DERA: variants seen among roughly 807,000 people sequenced by gnomAD.
DERA encodes the protein 2-deoxy-D-ribose 5-phosphate aldolase.
DERA carries 15 observed loss-of-function variants against 41.1 expected under a neutral mutation model. That is an observed-to-expected ratio of 0.37 (90% confidence interval 0.24 to 0.56). The LOEUF (loss-of-function observed/expected upper bound fraction) is 0.56, where lower values mean the gene tolerates loss of function less well. DERA is among the 20% of genes least tolerant of loss of function. The probability of loss-of-function intolerance (pLI) is 0.81; values close to 1 mark genes in which losing one functional copy is unlikely to be tolerated. For missense variants in DERA, 396 were observed against 403.4 expected (o/e 0.98, Z 0.16); for synonymous variants, 139 against 137.4 (o/e 1.01, Z -0.08).
At chr12:15,949,491 T>C (rs2136141766) in intron 1 of DERA, among the ~76,000 whole-genome samples, 1 of 151,726 alleles carries the variant, frequency 6.6e-6, no homozygotes, top group South Asian at 2.1e-4. Context: ...CGTGGGACCC[T>C]CTGAGCCGGG....
chr12:15,954,228 C>G lies in DERA; in HGVS notation c.32-2708C>G, dbSNP rs1050116572. ...CTGAAGCAGTGGAGAAAGACATTGC[C>G]CAGAATTAAATCCTTTCTGGTCTTT... is the stretch of plus-strand genomic sequence containing the variant. On this transcript the variant is annotated intron_variant, in intron 1 of 8. Transcript: ENST00000428559. The surrounding 1 kb of genome is among the most constrained non-coding windows in gnomAD (Gnocchi z 4.0). Among the ~76,000 whole-genome samples, 2 of 152,162 alleles carry G rather than the reference C, an allele frequency of 1.3e-5. No individual in the cohort carries two copies. The highest frequency in any genetic ancestry group is 2.9e-5 in the Non-Finnish European group (2 of 68,022).
rs1033575256 is a variant in DERA at position 16,026,572 on chromosome 12, C to T, written c.638-5970C>T. Among the ~76,000 whole-genome samples, 9 of 149,768 alleles carry T rather than the reference C, an allele frequency of 6.0e-5. No individual in the cohort carries two copies. Among genetic ancestry groups the T allele is most frequent in the African/African-American group, 2.2e-4 (9 of 41,102 alleles). On this transcript the variant is annotated intron_variant, in intron 6 of 8. Coordinates refer to ENST00000428559, the MANE Select transcript of DERA (RefSeq NM_015954.4). The surrounding 1 kb of genome is among the most constrained non-coding windows in gnomAD (Gnocchi z 4.4). ...TATAAAATATTTAATGTGACTTTTACATAAATTGTAAATATATTTACACAT... is the reference window on the plus strand; with the variant it reads ...TATAAAATATTTAATGTGACTTTTATATAAATTGTAAATATATTTACACAT...
At position 16,020,973 on chromosome 12, in the gene DERA, G is replaced by A. The variant is rs1028695201; in HGVS notation, c.638-11569G>A. Among the ~76,000 whole-genome samples, 1 of 152,216 alleles carries A rather than the reference G, an allele frequency of 6.6e-6. No individual in the cohort carries two copies. The highest frequency in any genetic ancestry group is 2.4e-5 in the African/African-American group (1 of 41,454). ...TGCTGGAGCAAAGGAATTACTTAAT[G>A]TGAGAACTTATATTTAAATGGGAAG... On this transcript the variant is annotated intron_variant, in intron 6 of 8. Coordinates refer to ENST00000428559, the MANE Select transcript of DERA (RefSeq NM_015954.4). This position sits in a 1 kb window ranked among gnomAD's most constrained non-coding sequence, Gnocchi z 5.5.
chr12:15,946,816 T>C (rs1312651803), intron 1 of DERA, among the ~76,000 whole-genome samples: 2 of 152,218 alleles, frequency 1.3e-5, no homozygotes, highest in African/African-American at 2.4e-5. Flanking sequence ...AATTGTGATG[T>C]TAGGGTGTCA....
intron 6 of DERA, 60 bp from the exon 7 acceptor site, chr12:16,032,482 C>G: frequency 3.1e-6 from 3 of 978,228 alleles, no homozygotes; most frequent in Non-Finnish European, 4.4e-6. Context: ...CTCCCACTGA[C>G]TCAAAAGTGT....
intron 5 of DERA, among the ~76,000 whole-genome samples, chr12:15,971,028 G>T (rs1268561017): frequency 1.3e-5 from 2 of 152,196 alleles, no homozygotes; most frequent in African/African-American, 4.8e-5. Context: ...CATGGGACAT[G>T]TACAGATTGA....
chr12:15,920,504 AAC>A (rs776030005), intron 1 of DERA, among the ~76,000 whole-genome samples: 4 of 152,190 alleles, frequency 2.6e-5, no homozygotes, highest in African/African-American at 7.2e-5. Flanking sequence ...CTTGTTAAAA[AAC>A]ACAGATTCCT....
rs1012175835 is a variant in DERA, at chr12:15,972,749, C to G, written c.509-9559C>G. The G allele has an allele frequency of 6.6e-6, 1 of 152,628 alleles. No individual in the cohort carries two copies. The highest frequency in any genetic ancestry group is 1.5e-5 in the Non-Finnish European group (1 of 68,290). The allele number at this position is 152,628 out of a possible 1,614,324, so 9.5% of individuals were successfully genotyped here. On this transcript the variant is annotated intron_variant, in intron 5 of 8. Coordinates refer to ENST00000428559, the MANE Select transcript of DERA (RefSeq NM_015954.4). This position sits in a 1 kb window ranked among gnomAD's most constrained non-coding sequence, Gnocchi z 4.4. ...CAGTACTGGGGACAGGGGAAAGTTG[C>G]TCACAACTCTCAGGAGAAGGGATCT...
chr12:16,002,668 T>C (rs1379853066), intron 6 of DERA, among the ~76,000 whole-genome samples: 1 of 151,976 alleles, frequency 6.6e-6, no homozygotes, highest in East Asian at 1.9e-4. Flanking sequence ...CTAATTAGAG[T>C]CCCATGCTGT....
At position 15,928,193 on chromosome 12, in the gene DERA, G is replaced by A. The variant is rs1168938445; in HGVS notation, c.31+16779G>A. On this transcript the variant is annotated intron_variant, in intron 1 of 8. Transcript: ENST00000428559. The surrounding 1 kb of genome is among the most constrained non-coding windows in gnomAD (Gnocchi z 4.6). ...TTTGAAACATACATGAGTATTAACT[G>A]TAGCTACCATGCTGTGCAGTAGATC... Among the ~76,000 whole-genome samples, 2 of 152,168 alleles carry A rather than the reference G, an allele frequency of 1.3e-5. No homozygotes were observed. The highest frequency in any genetic ancestry group is 6.5e-5 in the Admixed American group (1 of 15,280).
intron 6 of DERA, among the ~76,000 whole-genome samples, chr12:16,015,732 A>G (rs1313845094): frequency 6.6e-6 from 1 of 152,204 alleles, no homozygotes; most frequent in Non-Finnish European, 1.5e-5. Context: ...TGGATGTCAT[A>G]TTTGGCAGCT....
rs1334224964 is a variant in DERA at position 15,965,964 on chromosome 12, C to T, written c.508+3017C>T. Among the ~76,000 whole-genome samples the T allele has an allele frequency of 2.6e-5, 4 of 152,154 alleles. No individual in the cohort carries two copies. In the East Asian group the frequency reaches 7.7e-4, roughly 29 times the overall value. ...TCATCAGCCTTTCTGCCAGCTCATTCCCATTAAGCATTTAGACATACTCAA... is the reference window on the plus strand; with the variant it reads ...TCATCAGCCTTTCTGCCAGCTCATTTCCATTAAGCATTTAGACATACTCAA... On this transcript the variant is annotated intron_variant, in intron 5 of 8. Coordinates refer to ENST00000428559, the MANE Select transcript of DERA (RefSeq NM_015954.4). The surrounding 1 kb of genome is among the most constrained non-coding windows in gnomAD (Gnocchi z 4.1).
chr12:15,971,853 G>T, intron 5 of DERA: 1 of 298,210 alleles, frequency 3.4e-6, no homozygotes. Context: ...AGGAACCATT[G>T]CTAAAGTGAA....
At position 16,001,639 on chromosome 12, in the gene DERA, T is replaced by C. The variant is rs1191580707; in HGVS notation, c.637+19203T>C. Among the ~76,000 whole-genome samples the C allele has an allele frequency of 6.6e-6, 1 of 152,180 alleles. No individual in the cohort carries two copies. Among genetic ancestry groups the C allele is most frequent in the Non-Finnish European group, 1.5e-5 (1 of 68,022 alleles). Reference sequence around the variant, plus strand: ...TCTGCCTGAGTTTATATCCTTTAGATAGTAGTAACAGGCTTAGTAGAGTAG... The same window carrying C: ...TCTGCCTGAGTTTATATCCTTTAGACAGTAGTAACAGGCTTAGTAGAGTAG... On this transcript the variant is annotated intron_variant, in intron 6 of 8. Transcript: ENST00000428559. The surrounding 1 kb of genome is among the most constrained non-coding windows in gnomAD (Gnocchi z 4.1).
In DERA at chr12:15,936,890, C is replaced by T. The variant is rs542634360; in HGVS notation, c.32-20046C>T. ...CTTGTCTTGTCTTGTCTTGTCTTGTCCTGTCCTGTCCTGTCCTGTCCTGTC... is the reference window on the plus strand; with the variant it reads ...CTTGTCTTGTCTTGTCTTGTCTTGTTCTGTCCTGTCCTGTCCTGTCCTGTC... On this transcript the variant is annotated intron_variant, in intron 1 of 8. Transcript: ENST00000428559. This position sits in a 1 kb window ranked among gnomAD's most constrained non-coding sequence, Gnocchi z 4.6. Among the ~76,000 whole-genome samples, 2 of 136,408 alleles carry T rather than the reference C, an allele frequency of 1.5e-5. No homozygotes were observed. The highest frequency in any genetic ancestry group is 4.5e-4 in the South Asian group (2 of 4,404). 89.5% of individuals were successfully genotyped at this position (136,408 alleles called of 152,430 possible).
rs1306914556 is a variant in DERA at position 15,990,059 on chromosome 12, G to A, written c.637+7623G>A. On this transcript the variant is annotated intron_variant, in intron 6 of 8. Coordinates refer to ENST00000428559, the MANE Select transcript of DERA (RefSeq NM_015954.4). This position sits in a 1 kb window ranked among gnomAD's most constrained non-coding sequence, Gnocchi z 4.3. ...GAGTGCATCATAAACTGTAAATAAA[G>A]TACTTTGCAAGTTATTGAAAAATAT... Among the ~76,000 whole-genome samples the A allele has an allele frequency of 6.6e-6, 1 of 152,124 alleles. No individual in the cohort carries two copies. Among genetic ancestry groups the A allele is most frequent in the Non-Finnish European group, 1.5e-5 (1 of 68,024 alleles).
chr12:15,960,227 T>C (rs924770573), intron 4 of DERA, among the ~76,000 whole-genome samples: 5 of 149,634 alleles, frequency 3.3e-5, no homozygotes, highest in South Asian at 2.1e-4. Context: ...CACACACACA[T>C]ATACATACTA....
rs996267517 is a variant in DERA, at chr12:16,001,320, C to G, written c.637+18884C>G. Among the ~76,000 whole-genome samples, 1 of 152,178 alleles carries G rather than the reference C, an allele frequency of 6.6e-6. No individual in the cohort carries two copies. Among genetic ancestry groups the G allele is most frequent in the Non-Finnish European group, 1.5e-5 (1 of 68,032 alleles). On this transcript the variant is annotated intron_variant, in intron 6 of 8. Transcript: ENST00000428559. This position sits in a 1 kb window ranked among gnomAD's most constrained non-coding sequence, Gnocchi z 4.1. ...ACCATTCAGGCTCCCATGAGGTGAT[C>G]AGGTACTTCTTTATAATTGAATATA...
At chr12:15,953,920 A>C (rs368513756) in intron 1 of DERA, among the ~76,000 whole-genome samples, 2 of 152,166 alleles carry the variant, frequency 1.3e-5, no homozygotes, top group East Asian at 3.8e-4. Flanking sequence ...CACAGAGGCA[A>C]ATTTTGTGGC....
Sources: allele counts gnomAD v4.1 joint callset (sites outside exome capture counted in the v4.1 genomes callset), GRCh38; gene constraint gnomAD v4.1.1; non-coding constraint Gnocchi (gnomAD v3.1); transcripts MANE v1.5; gene names NCBI Gene and HGNC (gene_info 2026-07-23, HGNC 2026-07-21).